The following ADGRL3 variants were observed in gnomAD, a reference collection of about 807,000 sequenced individuals.
The protein encoded by ADGRL3 is calcium-independent alpha-latrotoxin receptor 3.
In ADGRL3, 62 loss-of-function variants were observed where a neutral mutation model predicts 153.5. The ratio of observed to expected loss-of-function variants is 0.40; its 90% CI spans 0.33 to 0.50. The LOEUF is 0.50. ADGRL3 is among the 20% of genes least tolerant of loss of function. The pLI is 0.47. For synonymous variants in ADGRL3, 710 were observed against 672.5 expected (o/e 1.06, Z -0.86); for missense variants, 1,641 against 1,859.4 (o/e 0.88, Z 2.16).
At chr4:61,446,207 T>G (rs2152494629) in intron 2 of ADGRL3, among the ~76,000 whole-genome samples, 1 of 152,302 alleles carries the variant, frequency 6.6e-6, no homozygotes, top group Middle Eastern at 3.4e-3. Flanking sequence ...CCTCTTTCAC[T>G]TTCTTTTGTA....
At chr4:61,425,963 G>A (rs1262979490) in intron 2 of ADGRL3, among the ~76,000 whole-genome samples, 1 of 152,198 alleles carries the variant, frequency 6.6e-6, no homozygotes, top group East Asian at 1.9e-4. Context: ...AGTGAGAGGA[G>A]GTCATCCTTG....
intron 3 of ADGRL3, among the ~76,000 whole-genome samples, chr4:61,517,034 A>C (rs2152899790): frequency 6.6e-6 from 1 of 151,790 alleles, no homozygotes; most frequent in East Asian, 1.9e-4. Context: ...TGCTTTCAAT[A>C]ATTATGTCTA....
At chr4:61,448,461 T>C (rs1045103150) in intron 2 of ADGRL3, among the ~76,000 whole-genome samples, 3 of 152,144 alleles carry the variant, frequency 2.0e-5, no homozygotes, top group Non-Finnish European at 4.4e-5. Context: ...TTACTTTACC[T>C]ATCTGTGCCC....
chr4:61,291,607 C>CATATAT (rs1188232309), intron 1 of ADGRL3, among the ~76,000 whole-genome samples: 1 of 8,546 alleles, frequency 1.2e-4, no homozygotes, highest in African/African-American at 3.1e-4. Flanking sequence ...TATATATACA[C>CATATAT]ACACATATAT....
intron 8 of ADGRL3, among the ~76,000 whole-genome samples, chr4:61,810,784 T>A (rs945685303): frequency 9.9e-5 from 15 of 152,240 alleles, no homozygotes; most frequent in African/African-American, 3.6e-4. Context: ...GGTTTTTTTA[T>A]GTGTTTTTCT....
At chr4:62,053,694 G>A (rs1006702926) in intron 25 of ADGRL3, among the ~76,000 whole-genome samples, 2 of 151,524 alleles carry the variant, frequency 1.3e-5, no homozygotes, top group African/African-American at 4.8e-5. Flanking sequence ...TAAGCCTTCT[G>A]TAACATTATC....
At chr4:61,296,963 G>A (rs1044679014) in intron 1 of ADGRL3, among the ~76,000 whole-genome samples, 5 of 151,762 alleles carry the variant, frequency 3.3e-5, no homozygotes, top group East Asian at 1.9e-4. Flanking sequence ...ATTTGAAAAC[G>A]GTCACTATTT....
intron 2 of ADGRL3, among the ~76,000 whole-genome samples, chr4:61,422,927 C>T (rs1391106666): frequency 6.6e-6 from 1 of 151,810 alleles, no homozygotes; most frequent in African/African-American, 2.4e-5. Context: ...ATATAGATGA[C>T]TGAAAAAGTA....
At chr4:61,611,672 C>T (rs1373342126) in intron 5 of ADGRL3, among the ~76,000 whole-genome samples, 7 of 152,150 alleles carry the variant, frequency 4.6e-5, no homozygotes, top group South Asian at 2.1e-4. Flanking sequence ...CTTGTAATCC[C>T]GGCACTTTCA....
intron 5 of ADGRL3, among the ~76,000 whole-genome samples, chr4:61,657,203 TAA>T (rs1358126813): frequency 2.0e-5 from 3 of 152,092 alleles, no homozygotes; most frequent in Non-Finnish European, 2.9e-5. Context: ...TGAGAATCCA[TAA>T]GAGTGACTTT....
At chr4:61,807,289 A>C (rs2148520494) in intron 8 of ADGRL3, among the ~76,000 whole-genome samples, 1 of 151,048 alleles carries the variant, frequency 6.6e-6, no homozygotes, top group Admixed American at 6.6e-5. Context: ...TTGAGGTGTT[A>C]TTTTGCTCAA....
At chr4:61,476,321 G>A (rs997407091) in intron 2 of ADGRL3, among the ~76,000 whole-genome samples, 1 of 151,774 alleles carries the variant, frequency 6.6e-6, no homozygotes. Flanking sequence ...TCTACCTCCC[G>A]GGTTCAAGCA....
chr4:61,814,275 A>AT (rs776857106), intron 9 of ADGRL3, among the ~76,000 whole-genome samples: 4 of 150,044 alleles, frequency 2.7e-5, no homozygotes, highest in East Asian at 3.9e-4. Flanking sequence ...ATATTGACAG[A>AT]TTTTTTTCCC....
chr4:61,563,918 G>A (rs2098805904), intron 4 of ADGRL3, among the ~76,000 whole-genome samples: 1 of 152,096 alleles, frequency 6.6e-6, no homozygotes, highest in Non-Finnish European at 1.5e-5. Context: ...TGAGGCAGGA[G>A]AATCGATTGA....
chr4:61,321,861 A>G (rs1410521698), intron 1 of ADGRL3, among the ~76,000 whole-genome samples: 1 of 152,110 alleles, frequency 6.6e-6, no homozygotes, highest in African/African-American at 2.4e-5. Flanking sequence ...TGTTTCAGAG[A>G]AATAAAAATA....
At chr4:62,051,168 G>GTATATATATA (rs35250485) in intron 25 of ADGRL3, among the ~76,000 whole-genome samples, 27 of 139,156 alleles carry the variant, frequency 1.9e-4, no homozygotes, top group African/African-American at 4.5e-4. Flanking sequence ...GTGTGTGTGT[G>GTATATATATA]TATATATATA....
At chr4:61,869,762 A>T (rs2098425724) in intron 9 of ADGRL3, among the ~76,000 whole-genome samples, 1 of 151,036 alleles carries the variant, frequency 6.6e-6, no homozygotes, top group Non-Finnish European at 1.5e-5. Flanking sequence ...AACATGGAGA[A>T]ACCCCGTCTC....
At chr4:62,008,582 A>G (rs1490547997) in intron 21 of ADGRL3, among the ~76,000 whole-genome samples, 1 of 152,036 alleles carries the variant, frequency 6.6e-6, no homozygotes, top group African/African-American at 2.4e-5. Context: ...GAAAAGAATT[A>G]TGTAATATTG....
chr4:61,297,595 A>G (rs902856438), intron 1 of ADGRL3, among the ~76,000 whole-genome samples: 3 of 151,870 alleles, frequency 2.0e-5, no homozygotes, highest in East Asian at 1.9e-4. Flanking sequence ...CTTGAGTCAT[A>G]TGACTTTAAT....
Sources: gnomAD v4.1 joint callset for allele counts (sites outside exome capture counted in the v4.1 genomes callset) on GRCh38, gnomAD v4.1.1 for gene constraint, MANE v1.5 for transcripts, NCBI Gene and HGNC (gene_info 2026-07-23, HGNC 2026-07-21) for gene names.